The following RGPD2 variants were observed in gnomAD, a reference collection of about 807,000 sequenced individuals.
RGPD2 encodes the protein RANBP2-like and GRIP domain-containing protein 2.
A neutral mutation model predicts 36.0 loss-of-function variants in RGPD2; 2 were observed. The ratio of observed to expected loss-of-function variants is 0.06; its 90% CI spans 0.02 to 0.17. The LOEUF (loss-of-function observed/expected upper bound fraction) is 0.17, where lower values mean the gene tolerates loss of function less well. RGPD2 is among the 10% of genes least tolerant of loss of function. The probability of loss-of-function intolerance (pLI) is 1.00; values close to 1 mark genes in which losing one functional copy is unlikely to be tolerated. For missense variants in RGPD2, 40 were observed against 464.3 expected (o/e 0.09, Z 8.40); for synonymous variants, 19 against 163.8 (o/e 0.12, Z 6.75).
chr2:87,763,368 A>T (rs1217467603), intron 22 of RGPD2, among the ~76,000 whole-genome samples: 1 of 149,052 alleles, frequency 6.7e-6, no homozygotes, highest in Non-Finnish European at 1.5e-5. Flanking sequence ...CGTGTTAGCC[A>T]GGATGGTCTC....
chr2:87,917,747 T>C, the RGPD2 span, among the ~76,000 whole-genome samples: 1 of 88,042 alleles, frequency 1.1e-5, no homozygotes, highest in East Asian at 2.8e-4. Flanking sequence ...TAATAAAATA[T>C]GTAAAATTTC....
At chr2:87,879,259 T>A in the RGPD2 span, among the ~76,000 whole-genome samples, 2 of 151,832 alleles carry the variant, frequency 1.3e-5, no homozygotes, top group Non-Finnish European at 2.9e-5. Context: ...GTAAATGGAG[T>A]ATGCATCACC....
At chr2:87,836,836 A>T in the RGPD2 span, among the ~76,000 whole-genome samples, 1 of 152,128 alleles carries the variant, frequency 6.6e-6, no homozygotes, top group Admixed American at 6.6e-5. Flanking sequence ...CCTTCAAAAT[A>T]GCCATCTGAC....
the RGPD2 span, among the ~76,000 whole-genome samples, chr2:87,912,116 G>A: frequency 2.0e-5 from 3 of 149,116 alleles, no homozygotes; most frequent in South Asian, 2.1e-4. Context: ...AGAATTCTTC[G>A]ATTGTATTTC....
the RGPD2 span, among the ~76,000 whole-genome samples, chr2:87,947,188 G>A: frequency 6.6e-6 from 1 of 151,936 alleles, no homozygotes. Flanking sequence ...GGACACAAGA[G>A]GTGCACTCAG....
chr2:87,934,661 C>A, the RGPD2 span, among the ~76,000 whole-genome samples: 1 of 150,706 alleles, frequency 6.6e-6, no homozygotes, highest in African/African-American at 2.4e-5. Flanking sequence ...TTATATATTT[C>A]TAGACTTTGA....
chr2:87,861,134 GTT>G, the RGPD2 span, among the ~76,000 whole-genome samples: 14 of 116,692 alleles, frequency 1.2e-4, no homozygotes, highest in African/African-American at 4.3e-4. Context: ...TTGTGTAAGT[GTT>G]TTTTTTTTTT....
chr2:87,972,751 C>A, the RGPD2 span: 5 of 1,611,094 alleles, frequency 3.1e-6, no homozygotes, highest in African/African-American at 5.4e-5. Flanking sequence ...CAGGAGTGAA[C>A]AACCAGCCCT....
chr2:87,837,095 A>T, the RGPD2 span, among the ~76,000 whole-genome samples: 1 of 151,910 alleles, frequency 6.6e-6, no homozygotes, highest in Non-Finnish European at 1.5e-5. Context: ...TCTTAGAGAC[A>T]CACAAATAGA....
chr2:87,963,134 T>TA, the RGPD2 span, among the ~76,000 whole-genome samples: 18 of 152,016 alleles, frequency 1.2e-4, no homozygotes, highest in African/African-American at 4.1e-4. Flanking sequence ...AGAATAATAA[T>TA]ATTTAATTAA....
At chr2:87,930,842 T>A in the RGPD2 span, among the ~76,000 whole-genome samples, 1 of 149,754 alleles carries the variant, frequency 6.7e-6, no homozygotes, top group Non-Finnish European at 1.5e-5. Flanking sequence ...GTTTTTTTTT[T>A]TTTTTTAGTT....
the RGPD2 span, among the ~76,000 whole-genome samples, chr2:87,905,320 TACTAACTTTG>T: frequency 2.6e-5 from 4 of 152,198 alleles, no homozygotes; most frequent in Admixed American, 6.5e-5. Context: ...TTCCCTAAGA[TACTAACTTTG>T]AAATAGAGAA....
chr2:87,874,201 G>T, the RGPD2 span, among the ~76,000 whole-genome samples: 1 of 136,616 alleles, frequency 7.3e-6, no homozygotes, highest in African/African-American at 2.9e-5. Flanking sequence ...ATTTTCCTGT[G>T]CAGAAGCTCT....
chr2:87,964,573 G>A, the RGPD2 span, among the ~76,000 whole-genome samples: 7 of 152,080 alleles, frequency 4.6e-5, no homozygotes, highest in East Asian at 1.9e-4. Flanking sequence ...TCACACTGCC[G>A]CCCAGGCTGG....
the RGPD2 span, among the ~76,000 whole-genome samples, chr2:87,871,865 C>CAAAA: frequency 4.5e-5 from 6 of 132,932 alleles, no homozygotes; most frequent in African/African-American, 1.7e-4. Context: ...AACTCTGTCT[C>CAAAA]AAAAAAAAAA....
At chr2:87,858,234 C>T in the RGPD2 span, among the ~76,000 whole-genome samples, 4 of 151,650 alleles carry the variant, frequency 2.6e-5, no homozygotes, top group African/African-American at 4.9e-5. Context: ...GCCAAGATTG[C>T]GCCACTGCAC....
At chr2:87,973,710 AAG>A in the RGPD2 span, among the ~76,000 whole-genome samples, 1 of 147,304 alleles carries the variant, frequency 6.8e-6, no homozygotes, top group African/African-American at 2.5e-5. Flanking sequence ...AAAAAAAAAA[AAG>A]AGTGTGGGCT....
chr2:87,897,447 C>A, the RGPD2 span, among the ~76,000 whole-genome samples: 14 of 150,618 alleles, frequency 9.3e-5, no homozygotes, highest in African/African-American at 3.2e-4. Flanking sequence ...ACAATGAATG[C>A]CTTTTTATTT....
the RGPD2 span, among the ~76,000 whole-genome samples, chr2:87,834,839 A>G: frequency 6.6e-6 from 1 of 151,850 alleles, no homozygotes; most frequent in East Asian, 1.9e-4. Context: ...TTTGAAACTT[A>G]TAAGAAGCAA....
Sources: allele counts gnomAD v4.1 joint callset (sites outside exome capture counted in the v4.1 genomes callset), GRCh38; gene constraint gnomAD v4.1.1; transcripts MANE v1.5; gene names NCBI Gene and HGNC (gene_info 2026-07-23, HGNC 2026-07-21).